Variants in NFASC observed in about 807,000 individuals in gnomAD.
NFASC encodes neurofascin homolog.
NFASC carries 43 observed loss-of-function variants against 147.5 expected under a neutral mutation model. The ratio of observed to expected loss-of-function variants is 0.29; its 90% CI spans 0.23 to 0.38. NFASC has a LOEUF of 0.38. Ranked by LOEUF, NFASC falls within the 10% of genes least tolerant of loss-of-function variation. The probability of loss-of-function intolerance (pLI) is 1.00; values close to 1 mark genes in which losing one functional copy is unlikely to be tolerated. For missense variants in NFASC, 1,320 were observed against 1,689.0 expected (o/e 0.78, Z 3.83); for synonymous variants, 622 against 665.5 (o/e 0.93, Z 1.01).
chr1:204,988,528 C>T, intron 22 of NFASC, 105 bp from the exon 23 acceptor site: 2 of 1,045,810 alleles, frequency 1.9e-6, no homozygotes, highest in Non-Finnish European at 1.4e-6. Context: ...CCATCATTTC[C>T]CTTTCCAGCA....
chr1:204,875,951 A>T (rs1282512863), intron 1 of NFASC, among the ~76,000 whole-genome samples: 2 of 152,128 alleles, frequency 1.3e-5, no homozygotes, highest in African/African-American at 4.8e-5. Context: ...TGGAAGGAGG[A>T]GGGGTCTGCA....
chr1:204,995,635 C>T (rs1216586000), intron 24 of NFASC, among the ~76,000 whole-genome samples: 1 of 152,032 alleles, frequency 6.6e-6, no homozygotes, highest in African/African-American at 2.4e-5. Flanking sequence ...GTGGCCAGCA[C>T]CCTCGGGGCA....
At chr1:204,955,804 A>G (rs1204733505) in intron 7 of NFASC, among the ~76,000 whole-genome samples, 8 of 151,544 alleles carry the variant, frequency 5.3e-5, no homozygotes, top group Non-Finnish European at 8.8e-5. Flanking sequence ...CCATCAACCT[A>G]TATCTCCACC....
At position 204,986,524 on chromosome 1, in the gene NFASC, C is replaced by T. The variant is rs551465674; in HGVS notation, c.2471-894C>T. 2.6e-5 allele frequency among the ~76,000 whole-genome samples: 4 copies of T among 152,344 alleles called. No homozygotes were observed. The highest frequency in any genetic ancestry group is 4.8e-5 in the African/African-American group (2 of 41,572). On this transcript the variant is annotated intron_variant, in intron 21 of 29. Coordinates refer to ENST00000339876, the MANE Select transcript of NFASC (RefSeq NM_001005388.3). This position sits in a 1 kb window ranked among gnomAD's most constrained non-coding sequence, Gnocchi z 4.2. ...TTCTCCCCCCACGTTCTCAAGAAGC[C>T]GTCACTGAAATAGTCGGCCTGTGTG...
At chr1:204,868,070 G>A (rs1249412599) in intron 1 of NFASC, among the ~76,000 whole-genome samples, 2 of 152,258 alleles carry the variant, frequency 1.3e-5, no homozygotes, top group Non-Finnish European at 2.9e-5. Context: ...GTTTCCCGTT[G>A]TAATAGCGTT....
intron 8 of NFASC, among the ~76,000 whole-genome samples, chr1:204,965,899 A>C (rs2094924731): frequency 6.6e-6 from 1 of 152,212 alleles, no homozygotes; most frequent in South Asian, 2.1e-4. Context: ...ACCTTGGGCA[A>C]GTCTGTTGAC....
At chr1:204,976,111 A>G (rs2095397432) in intron 15 of NFASC, among the ~76,000 whole-genome samples, 1 of 152,104 alleles carries the variant, frequency 6.6e-6, no homozygotes. Flanking sequence ...GTTTCTAGCC[A>G]TCATTTGACT....
intron 2 of NFASC, 121 bp from the exon 3 acceptor site, chr1:204,944,105 T>C (rs1001275134): frequency 3.6e-6 from 3 of 835,104 alleles, no homozygotes; most frequent in Admixed American, 5.4e-5. Context: ...GAAACTCTGC[T>C]CTATCTAGAA....
At position 204,978,987 on chromosome 1, in the gene NFASC, G is replaced by C; in HGVS notation, c.1896G>C (p.Arg632=). 1 of 1,558,658 alleles carries C rather than the reference G, an allele frequency of 6.4e-7. No homozygotes were observed. The highest frequency in any genetic ancestry group is 1.4e-5 in the African/African-American group (1 of 73,676). ...ALPKGRPDRP[R]DLELTDLAER... ...CACCAGGACGGCCAGACCGGCCCCG[G>C]GACCTGGAGCTGACCGACCTGGCCG... The change falls in exon 18 of 30, where the codon CGG becomes CGC. Residue 632 remains arginine, a synonymous_variant. Transcript: ENST00000339876.
intron 16 of NFASC, chr1:204,977,120 A>G (rs1329190476): frequency 1.7e-6 from 2 of 1,172,618 alleles, no homozygotes; most frequent in Non-Finnish European, 2.1e-6. Flanking sequence ...CCACTAAGTC[A>G]ATTAAAACAA....
intron 2 of NFASC, among the ~76,000 whole-genome samples, chr1:204,933,572 T>G (rs886695186): frequency 6.6e-6 from 1 of 152,024 alleles, no homozygotes; most frequent in Non-Finnish European, 1.5e-5. Context: ...GGCCTCAAAG[T>G]GATGTCTCAG....
intron 28 of NFASC, chr1:205,009,969 A>C: frequency 9.0e-6 from 4 of 442,540 alleles, no homozygotes; most frequent in Admixed American, 3.5e-5. Flanking sequence ...CCTCCCCTTG[A>C]CTCACCACCC....
chr1:204,912,888 C>T (rs896444358), intron 1 of NFASC, among the ~76,000 whole-genome samples: 5 of 151,784 alleles, frequency 3.3e-5, no homozygotes, highest in African/African-American at 7.3e-5. Context: ...ATTAGCTAAG[C>T]GTGGTGGCAC....
intron 21 of NFASC, chr1:204,984,357 A>G (rs375790162): frequency 0.01 from 1,964 of 191,910 alleles, 21 homozygotes; most frequent in African/African-American, 0.043. Flanking sequence ...ATATATATAT[A>G]TGTGTGTGTG....
intron 1 of NFASC, among the ~76,000 whole-genome samples, chr1:204,903,522 C>T (rs965220848): frequency 2.6e-5 from 4 of 152,220 alleles, no homozygotes; most frequent in Non-Finnish European, 5.9e-5. Context: ...CTCAGCCCCT[C>T]CTGTCCATCG....
At chr1:204,974,335 C>A in intron 13 of NFASC, 45 bp downstream of exon 13, 1 of 1,429,142 alleles carries the variant, frequency 7.0e-7, no homozygotes, top group Non-Finnish European at 9.8e-7. Flanking sequence ...GGTCACCTGT[C>A]TCATCTTCTC....
At chr1:204,927,786 C>T (rs892782041) in intron 2 of NFASC, among the ~76,000 whole-genome samples, 14 of 152,294 alleles carry the variant, frequency 9.2e-5, no homozygotes, top group South Asian at 8.3e-4. Flanking sequence ...TGATACCCCA[C>T]GCCTTCTCCA....
At chr1:204,946,476 G>A in intron 3 of NFASC, 1 of 416,512 alleles carries the variant, frequency 2.4e-6, no homozygotes, top group Admixed American at 2.5e-5. Context: ...GCTGCCCGGA[G>A]CATGCCCCAC....
At chr1:204,841,792 C>A (rs1267734534) in intron 1 of NFASC, among the ~76,000 whole-genome samples, 1 of 152,128 alleles carries the variant, frequency 6.6e-6, no homozygotes, top group Non-Finnish European at 1.5e-5. Flanking sequence ...TGGTGCCAGT[C>A]CCCCCATCCT....
Sources: allele counts gnomAD v4.1 joint callset (sites outside exome capture counted in the v4.1 genomes callset), GRCh38; gene constraint gnomAD v4.1.1; non-coding constraint Gnocchi (gnomAD v3.1); transcripts MANE v1.5; gene names NCBI Gene and HGNC (gene_info 2026-07-23, HGNC 2026-07-21).